The following GRM8 variants were observed in gnomAD, a reference collection of about 807,000 sequenced individuals.
GRM8 encodes glutamate metabotropic receptor 8.
A neutral mutation model predicts 87.2 loss-of-function variants in GRM8; 47 were observed. That is an observed-to-expected ratio of 0.54 (90% CI 0.43 to 0.69). GRM8 has a LOEUF of 0.69. Ranked by LOEUF, GRM8 falls within the 30% of genes least tolerant of loss-of-function variation. The pLI is 0.00. For synonymous variants in GRM8, 396 were observed against 404.5 expected (o/e 0.98, Z 0.25); for missense variants, 1,019 against 1,139.2 (o/e 0.89, Z 1.52).
intron 8 of GRM8, among the ~76,000 whole-genome samples, chr7:126,579,803 T>G (rs1342072450): frequency 6.6e-6 from 1 of 152,098 alleles, no homozygotes; most frequent in East Asian, 1.9e-4. Context: ...AAAAACTAAT[T>G]AACTTAAATA....
chr7:126,829,124 A>G (rs1431308415), intron 6 of GRM8, among the ~76,000 whole-genome samples: 1 of 151,164 alleles, frequency 6.6e-6, no homozygotes, highest in Non-Finnish European at 1.5e-5. Context: ...ACTTCCAACT[A>G]TGCGGTCAAT....
At chr7:126,622,748 C>CTCTA (rs1304073577) in intron 7 of GRM8, among the ~76,000 whole-genome samples, 1 of 152,198 alleles carries the variant, frequency 6.6e-6, no homozygotes, top group Non-Finnish European at 1.5e-5. Context: ...AAATCCGTTA[C>CTCTA]TCTATCCCCA....
chr7:126,595,867 G>A (rs1346299362), intron 8 of GRM8, among the ~76,000 whole-genome samples: 2 of 152,150 alleles, frequency 1.3e-5, no homozygotes, highest in African/African-American at 4.8e-5. Context: ...GCTGGTCGCA[G>A]TAGCTCATGC....
intron 3 of GRM8, among the ~76,000 whole-genome samples, chr7:127,032,058 G>A (rs1456510853): frequency 1.3e-5 from 2 of 152,154 alleles, no homozygotes; most frequent in African/African-American, 4.8e-5. Flanking sequence ...AAATGAAGAT[G>A]TGAATTGGTC....
intron 3 of GRM8, among the ~76,000 whole-genome samples, chr7:126,968,133 T>C (rs1220331387): frequency 1.3e-5 from 2 of 152,202 alleles, no homozygotes; most frequent in Non-Finnish European, 2.9e-5. Context: ...TTAGATGTAA[T>C]ATATGAGTTT....
chr7:126,809,764 G>A (rs1251032858), intron 6 of GRM8, among the ~76,000 whole-genome samples: 1 of 152,136 alleles, frequency 6.6e-6, no homozygotes, highest in Non-Finnish European at 1.5e-5. Context: ...TGAAGTCAAT[G>A]CCTTTATACC....
intron 9 of GRM8, among the ~76,000 whole-genome samples, chr7:126,492,174 C>T (rs953696660): frequency 1.6e-4 from 24 of 152,074 alleles, no homozygotes; most frequent in Admixed American, 1.5e-3. Flanking sequence ...CTTTAGCCTC[C>T]CAAGTAGCTG....
At chr7:126,599,951 T>C (rs940473014) in intron 8 of GRM8, among the ~76,000 whole-genome samples, 8 of 152,090 alleles carry the variant, frequency 5.3e-5, no homozygotes, top group African/African-American at 7.2e-5. Context: ...AAAATGAATA[T>C]ATGAATGGAT....
chr7:126,704,013 C>CT (rs1372635532), intron 7 of GRM8, among the ~76,000 whole-genome samples: 1 of 152,158 alleles, frequency 6.6e-6, no homozygotes, highest in Non-Finnish European at 1.5e-5. Flanking sequence ...TCTACCTATA[C>CT]TACCAGCAAA....
intron 6 of GRM8, among the ~76,000 whole-genome samples, chr7:126,806,488 C>T (rs1194603353): frequency 6.6e-6 from 1 of 152,248 alleles, no homozygotes; most frequent in Admixed American, 6.5e-5. Context: ...CTTTTATTCC[C>T]CTATCTGGCC....
chr7:126,462,088 G>T (rs1442175299), intron 9 of GRM8, among the ~76,000 whole-genome samples: 3 of 151,462 alleles, frequency 2.0e-5, no homozygotes, highest in South Asian at 2.1e-4. Flanking sequence ...AATGTGTACA[G>T]GAATCTTTTG....
intron 7 of GRM8, among the ~76,000 whole-genome samples, chr7:126,704,423 G>A (rs1810268550): frequency 6.6e-6 from 1 of 152,164 alleles, no homozygotes; most frequent in African/African-American, 2.4e-5. Flanking sequence ...TGTAGAGCAT[G>A]TGTGTTTGAA....
At chr7:127,150,360 G>C (rs1336227917) in intron 2 of GRM8, among the ~76,000 whole-genome samples, 2 of 152,084 alleles carry the variant, frequency 1.3e-5, no homozygotes, top group East Asian at 3.9e-4. Flanking sequence ...TCTCAAGACA[G>C]TGGAACAGGA....
chr7:127,143,834 T>TA (rs1356263633), intron 2 of GRM8, among the ~76,000 whole-genome samples: 3 of 152,192 alleles, frequency 2.0e-5, no homozygotes, highest in Admixed American at 1.3e-4. Context: ...ATTAAAACAC[T>TA]ATAAACCATT....
intron 2 of GRM8, among the ~76,000 whole-genome samples, chr7:127,241,084 G>A (rs976192479): frequency 5.3e-5 from 8 of 152,166 alleles, no homozygotes; most frequent in Admixed American, 1.3e-4. Context: ...CTCCTTAGAC[G>A]CAGAGAGCTT....
At chr7:126,976,696 T>G (rs1176443576) in intron 3 of GRM8, among the ~76,000 whole-genome samples, 1 of 152,222 alleles carries the variant, frequency 6.6e-6, no homozygotes, top group Non-Finnish European at 1.5e-5. Flanking sequence ...TTTATTAAAA[T>G]GTCTACATAA....
At chr7:126,502,105 G>A (rs1216373086) in intron 9 of GRM8, among the ~76,000 whole-genome samples, 1 of 152,016 alleles carries the variant, frequency 6.6e-6, no homozygotes, top group Non-Finnish European at 1.5e-5. Context: ...AAGGCTAAGT[G>A]AGGTTGTCTT....
intron 2 of GRM8, among the ~76,000 whole-genome samples, chr7:127,157,925 A>G (rs536161015): frequency 3.3e-5 from 5 of 152,264 alleles, no homozygotes; most frequent in Admixed American, 2.6e-4. Flanking sequence ...AAGATGAAAG[A>G]GAAAGAAAAT....
intron 7 of GRM8, among the ~76,000 whole-genome samples, chr7:126,749,539 A>G (rs1816147573): frequency 2.0e-5 from 3 of 150,300 alleles, no homozygotes; most frequent in Admixed American, 2.0e-4. Context: ...TATATAAACA[A>G]ATATTACATA....
Sources: gnomAD v4.1 joint callset for allele counts (sites outside exome capture counted in the v4.1 genomes callset) on GRCh38, gnomAD v4.1.1 for gene constraint, MANE v1.5 for transcripts, NCBI Gene and HGNC (gene_info 2026-07-23, HGNC 2026-07-21) for gene names.